ITCH: variants seen among roughly 807,000 people sequenced by gnomAD.
ITCH encodes the protein itchy E3 ubiquitin protein ligase, also known as E3 ubiquitin-protein ligase Itchy homolog.
A neutral mutation model predicts 126.8 loss-of-function variants in ITCH; 28 were observed. The observed-to-expected ratio is 0.22, with a 90% CI of 0.16 to 0.30. ITCH has a LOEUF of 0.30. ITCH is among the 10% of genes least tolerant of loss of function. The pLI, the probability that ITCH is intolerant of heterozygous loss-of-function variation, is 1.00. For missense variants in ITCH, 631 were observed against 1,032.4 expected (o/e 0.61, Z 5.33); for synonymous variants, 342 against 340.0 (o/e 1.01, Z -0.06).
At chr20:34,502,539 C>T (rs1990325678) in intron 23 of ITCH, among the ~76,000 whole-genome samples, 1 of 151,100 alleles carries the variant, frequency 6.6e-6, no homozygotes, top group African/African-American at 2.4e-5. Flanking sequence ...AGTGAAACCC[C>T]ATCTCTACTA....
chr20:34,453,341 G>T (rs1434410059), intron 12 of ITCH, among the ~76,000 whole-genome samples: 1 of 152,250 alleles, frequency 6.6e-6, no homozygotes, highest in Non-Finnish European at 1.5e-5. Flanking sequence ...GGCCATTACA[G>T]TGGCTCACGC....
chr20:34,496,902 G>T (rs546254118), intron 23 of ITCH, among the ~76,000 whole-genome samples: 2 of 151,388 alleles, frequency 1.3e-5, no homozygotes, highest in Middle Eastern at 3.4e-3. Context: ...GTTGATTTTT[G>T]TACGTTATGA....
At chr20:34,505,330 T>C (rs892813153) in intron 24 of ITCH, among the ~76,000 whole-genome samples, 7 of 151,788 alleles carry the variant, frequency 4.6e-5, no homozygotes, top group Non-Finnish European at 7.4e-5. Context: ...AGGTGTGAGC[T>C]GCCGCATCTG....
At chr20:34,458,174 A>G (rs1986196422) in intron 13 of ITCH, among the ~76,000 whole-genome samples, 1 of 152,172 alleles carries the variant, frequency 6.6e-6, no homozygotes, top group Non-Finnish European at 1.5e-5. Flanking sequence ...ATCTTCTTCC[A>G]TTATGAATGT....
chr20:34,497,972 G>C (rs1422561353), intron 23 of ITCH, among the ~76,000 whole-genome samples: 1 of 152,224 alleles, frequency 6.6e-6, no homozygotes, highest in African/African-American at 2.4e-5. Flanking sequence ...CCATGAACAT[G>C]GGATGTCTTT....
intron 2 of ITCH, among the ~76,000 whole-genome samples, chr20:34,390,185 G>T (rs1001993467): frequency 1.2e-4 from 18 of 151,772 alleles, no homozygotes; most frequent in African/African-American, 4.4e-4. Flanking sequence ...ACTCTTGCAT[G>T]CAACAGGCAG....
intron 20 of ITCH, among the ~76,000 whole-genome samples, chr20:34,487,125 C>T (rs576416511): frequency 1.3e-5 from 2 of 149,744 alleles, no homozygotes; most frequent in Admixed American, 6.8e-5. Context: ...CATTCTCCTG[C>T]CTCAGCCTCC....
At chr20:34,474,459 T>C (rs1435885157) in intron 16 of ITCH, among the ~76,000 whole-genome samples, 1 of 152,240 alleles carries the variant, frequency 6.6e-6, no homozygotes, top group Non-Finnish European at 1.5e-5. Context: ...AGCACATGTT[T>C]CAGAGAGCAC....
At chr20:34,487,875 G>T (rs1173119737) in intron 20 of ITCH, among the ~76,000 whole-genome samples, 1 of 152,180 alleles carries the variant, frequency 6.6e-6, no homozygotes, top group Non-Finnish European at 1.5e-5. Flanking sequence ...GGTGGCGGAG[G>T]TTGCAGTAAG....
chr20:34,476,486 G>C lies in ITCH; in HGVS notation c.1570-1286G>C, dbSNP rs560288601. Reference sequence around the variant, plus strand: ...CCAGCGGCAGCCATCGCCCGCGGTCGGGAACTCAAAAGGAATTATTTAAAG... The same window carrying C: ...CCAGCGGCAGCCATCGCCCGCGGTCCGGAACTCAAAAGGAATTATTTAAAG... On this transcript the variant is annotated intron_variant, in intron 16 of 24. Transcript: ENST00000374864. The C allele has an allele frequency of 9.5e-5, 115 of 1,209,414 alleles. No homozygotes were observed. In the East Asian group the frequency reaches 3.6e-3, roughly 38 times the overall value. 74.9% of individuals were successfully genotyped at this position (1,209,414 alleles called of 1,614,324 possible).
intron 13 of ITCH, among the ~76,000 whole-genome samples, chr20:34,460,502 C>T (rs1986408514): frequency 6.6e-6 from 1 of 151,986 alleles, no homozygotes; most frequent in South Asian, 2.1e-4. Context: ...CTAAAGAGAA[C>T]GATCAATCTA....
chr20:34,385,486 G>T (rs762221661), intron 2 of ITCH, among the ~76,000 whole-genome samples: 1 of 152,000 alleles, frequency 6.6e-6, no homozygotes, highest in African/African-American at 2.4e-5. Flanking sequence ...TATATTTATT[G>T]TGGCAAATGC....
intron 1 of ITCH, among the ~76,000 whole-genome samples, chr20:34,367,643 A>G (rs918833479): frequency 9.9e-5 from 15 of 152,226 alleles, no homozygotes; most frequent in Non-Finnish European, 2.1e-4. Context: ...ACAGTTACCT[A>G]GTAGGTAGTA....
chr20:34,440,068 C>T, intron 8 of ITCH, 87 bp from the exon 9 acceptor site: 1 of 922,662 alleles, frequency 1.1e-6, no homozygotes, highest in Admixed American at 2.1e-5. Context: ...TATTTATCAT[C>T]TGCCTTTTAT....
At chr20:34,377,580 A>T (rs996860544) in intron 2 of ITCH, among the ~76,000 whole-genome samples, 1 of 151,486 alleles carries the variant, frequency 6.6e-6, no homozygotes, top group Admixed American at 6.6e-5. Context: ...GATAACTGAT[A>T]TGGCTGGGCG....
intron 6 of ITCH, among the ~76,000 whole-genome samples, chr20:34,421,333 T>C (rs1158289683): frequency 6.6e-6 from 1 of 152,190 alleles, no homozygotes; most frequent in African/African-American, 2.4e-5. Flanking sequence ...ATAGGAACGA[T>C]GTGTTAAAAC....
chr20:34,484,854 C>G (rs142627784), intron 20 of ITCH, among the ~76,000 whole-genome samples: 2,025 of 152,276 alleles, frequency 0.013, 45 homozygotes, highest in African/African-American at 0.045. Flanking sequence ...AAACACTGTT[C>G]CATATAGCAT....
chr20:34,431,231 A>G (rs1458179233), intron 7 of ITCH, among the ~76,000 whole-genome samples: 1 of 152,042 alleles, frequency 6.6e-6, no homozygotes, highest in Non-Finnish European at 1.5e-5. Flanking sequence ...CTGAGGGACA[A>G]AGCGAGACCC....
At chr20:34,436,123 C>T (rs180986696) in intron 7 of ITCH, among the ~76,000 whole-genome samples, 2 of 152,272 alleles carry the variant, frequency 1.3e-5, no homozygotes, top group Admixed American at 6.5e-5. Context: ...TTTTTGGAAT[C>T]CTGTTTCTGC....
Sources: allele counts gnomAD v4.1 joint callset (sites outside exome capture counted in the v4.1 genomes callset), GRCh38; gene constraint gnomAD v4.1.1; transcripts MANE v1.5; gene names NCBI Gene and HGNC (gene_info 2026-07-23, HGNC 2026-07-21).